EPHA5: variants seen among roughly 807,000 people sequenced by gnomAD.
The protein encoded by EPHA5 is EPH receptor A5, also known as ephrin type-A receptor 5.
In EPHA5, 60 loss-of-function variants were observed where a neutral mutation model predicts 105.0. That is an observed-to-expected ratio of 0.57 (90% CI 0.46 to 0.71). EPHA5 has a LOEUF of 0.71. Ranked by LOEUF, EPHA5 falls within the 30% of genes least tolerant of loss-of-function variation. The probability of loss-of-function intolerance (pLI) is 0.00; values close to 1 mark genes in which losing one functional copy is unlikely to be tolerated. For missense variants in EPHA5, 1,218 were observed against 1,274.7 expected (o/e 0.96, Z 0.68); for synonymous variants, 513 against 449.1 (o/e 1.14, Z -1.80).
intron 3 of EPHA5, among the ~76,000 whole-genome samples, chr4:65,498,545 A>G (rs562692018): frequency 1.6e-3 from 245 of 151,946 alleles, no homozygotes; most frequent in African/African-American, 5.2e-3. Flanking sequence ...ACTTAACCAG[A>G]GTGGTTCCAG....
chr4:65,580,838 A>T, intron 3 of EPHA5, among the ~76,000 whole-genome samples: 1 of 151,470 alleles, frequency 6.6e-6, no homozygotes. Context: ...ATTTCCAATG[A>T]AGAATTAAAA....
At chr4:65,353,295 A>C (rs140086804) in intron 11 of EPHA5, among the ~76,000 whole-genome samples, 192 bp from the exon 12 acceptor site, 2,572 of 147,298 alleles carry the variant, frequency 0.017, 57 homozygotes, top group African/African-American at 0.059. Context: ...ATATTTTAAT[A>C]TATTTAATAT....
intron 3 of EPHA5, among the ~76,000 whole-genome samples, chr4:65,564,113 T>G (rs978451087): frequency 2.0e-5 from 3 of 151,972 alleles, no homozygotes; most frequent in Non-Finnish European, 4.4e-5. Flanking sequence ...TGAGGCCTGA[T>G]TTTACTTGTG....
intron 3 of EPHA5, among the ~76,000 whole-genome samples, chr4:65,592,114 A>G (rs1742722483): frequency 6.6e-6 from 1 of 152,132 alleles, no homozygotes; most frequent in Admixed American, 6.6e-5. Context: ...TTCAGTACCA[A>G]CCATGTGAAG....
chr4:65,374,023 G>A (rs1483846988), intron 8 of EPHA5, among the ~76,000 whole-genome samples: 1 of 151,894 alleles, frequency 6.6e-6, no homozygotes, highest in East Asian at 1.9e-4. Flanking sequence ...AATATTTGAG[G>A]ATAAAGGGTA....
chr4:65,466,086 AG>A (rs1212125856), intron 5 of EPHA5, among the ~76,000 whole-genome samples: 4 of 152,244 alleles, frequency 2.6e-5, no homozygotes, highest in Admixed American at 6.5e-5. Context: ...GGGATAGGAA[AG>A]GTTAGGGTGA....
intron 1 of EPHA5, among the ~76,000 whole-genome samples, chr4:65,654,591 A>C (rs1451597941): frequency 6.6e-6 from 1 of 151,002 alleles, no homozygotes; most frequent in Non-Finnish European, 1.5e-5. Context: ...CATCCATCTG[A>C]ATCTCCTAAA....
At chr4:65,656,646 C>A (rs1307353307) in intron 1 of EPHA5, among the ~76,000 whole-genome samples, 1 of 148,802 alleles carries the variant, frequency 6.7e-6, no homozygotes, top group Admixed American at 6.7e-5. Flanking sequence ...AAGGGTCTCC[C>A]TCTGTTGCCC....
At chr4:65,659,486 T>G (rs1405416843) in intron 1 of EPHA5, among the ~76,000 whole-genome samples, 1 of 151,884 alleles carries the variant, frequency 6.6e-6, no homozygotes, top group African/African-American at 2.4e-5. Context: ...AATTAGTGTG[T>G]AAGAGTATGA....
At chr4:65,325,224 A>C (rs555336743) in intron 16 of EPHA5, among the ~76,000 whole-genome samples, 2 of 151,488 alleles carry the variant, frequency 1.3e-5, no homozygotes, top group South Asian at 2.1e-4. Context: ...ATTTTCTTAG[A>C]GTTCTATTGA....
At chr4:65,384,559 G>A (rs998012943) in intron 8 of EPHA5, among the ~76,000 whole-genome samples, 3 of 151,724 alleles carry the variant, frequency 2.0e-5, no homozygotes, top group Non-Finnish European at 4.4e-5. Flanking sequence ...CCAAATCTGG[G>A]CCTAACTGAA....
chr4:65,392,623 T>C (rs1720832615), intron 8 of EPHA5, among the ~76,000 whole-genome samples: 1 of 152,142 alleles, frequency 6.6e-6, no homozygotes, highest in Admixed American at 6.6e-5. Flanking sequence ...CTAGTGAGGA[T>C]TTATTAACTC....
intron 3 of EPHA5, among the ~76,000 whole-genome samples, chr4:65,546,139 C>T (rs367784730): frequency 3.7e-4 from 56 of 152,042 alleles, no homozygotes; most frequent in Admixed American, 2.0e-3. Flanking sequence ...CTTTGGTGAA[C>T]ATTTTAACTT....
intron 15 of EPHA5, among the ~76,000 whole-genome samples, chr4:65,332,767 T>C (rs1287476234): frequency 6.6e-6 from 1 of 151,860 alleles, no homozygotes; most frequent in Non-Finnish European, 1.5e-5. Flanking sequence ...TACTACTCTT[T>C]GTTTATGAAG....
At chr4:65,619,518 A>G (rs546927037) in intron 2 of EPHA5, among the ~76,000 whole-genome samples, 3 of 152,176 alleles carry the variant, frequency 2.0e-5, no homozygotes, top group African/African-American at 4.8e-5. Context: ...CAAAACCTGT[A>G]TATTGACATT....
intron 3 of EPHA5, among the ~76,000 whole-genome samples, chr4:65,597,451 T>G (rs1206195035): frequency 1.2e-5 from 1 of 85,938 alleles, no homozygotes; most frequent in Non-Finnish European, 2.7e-5. Flanking sequence ...TGCTAACCAT[T>G]TTTTACTAAA....
chr4:65,344,775 A>G (rs1172518749), intron 14 of EPHA5, among the ~76,000 whole-genome samples: 1 of 152,200 alleles, frequency 6.6e-6, no homozygotes, highest in Non-Finnish European at 1.5e-5. Flanking sequence ...GAAAGTAGTA[A>G]ATGGGTCTGG....
chr4:65,357,858 G>GT (rs368894697), intron 11 of EPHA5, among the ~76,000 whole-genome samples: 7 of 151,376 alleles, frequency 4.6e-5, no homozygotes, highest in African/African-American at 9.7e-5. Flanking sequence ...AAAAAAATGA[G>GT]TTTTTTTAAC....
chr4:65,380,887 G>A (rs959513244), intron 8 of EPHA5, among the ~76,000 whole-genome samples: 2 of 151,654 alleles, frequency 1.3e-5, no homozygotes, highest in African/African-American at 4.8e-5. Flanking sequence ...TGGCCCTATT[G>A]TTTCACAAAA....
Sources: allele counts gnomAD v4.1 joint callset (sites outside exome capture counted in the v4.1 genomes callset), GRCh38; gene constraint gnomAD v4.1.1; transcripts MANE v1.5; gene names NCBI Gene and HGNC (gene_info 2026-07-23, HGNC 2026-07-21).